The following IRF5 variants were observed in gnomAD, a reference collection of about 807,000 sequenced individuals.
The protein encoded by IRF5 is interferon regulatory factor 5.
Under a neutral mutation model 55.1 loss-of-function variants are expected in IRF5, and 24 were observed. That is an observed-to-expected ratio of 0.44 (90% CI 0.32 to 0.61). The LOEUF (loss-of-function observed/expected upper bound fraction) is 0.61, where lower values mean the gene tolerates loss of function less well. IRF5 is among the 20% of genes least tolerant of loss of function. The pLI is 0.07. For synonymous variants in IRF5, 258 were observed against 260.2 expected (o/e 0.99, Z 0.08); for missense variants, 499 against 658.5 (o/e 0.76, Z 2.65).
At chr7:128,943,482 C>A (rs1468605988) in intron 2 of IRF5, among the ~76,000 whole-genome samples, 1 of 151,430 alleles carries the variant, frequency 6.6e-6, no homozygotes, top group Non-Finnish European at 1.5e-5. Context: ...TCAAGTGATC[C>A]TCCAGTCTCA....
rs372747528 is a variant in IRF5, at chr7:128,942,317, C to T, written c.195+41C>T. Reference sequence around the variant, plus strand: ...GAGGTTGGCTGGACCTCCAGGGCACCCTGTCCCCAGAAGAGGAGCGCACAT... The same window carrying T: ...GAGGTTGGCTGGACCTCCAGGGCACTCTGTCCCCAGAAGAGGAGCGCACAT... On this transcript the variant is annotated intron_variant, in intron 2 of 8. Coordinates refer to ENST00000357234, the MANE Select transcript of IRF5 (RefSeq NM_001098629.3). The T allele has an allele frequency of 8.7e-5, 137 of 1,567,626 alleles. No homozygotes were observed. In the South Asian group the frequency reaches 1.5e-3, roughly 17 times the overall value.
rs1796525668 is a variant in IRF5, at chr7:128,949,794, A to AT, written c.*978dup. On this transcript the variant is annotated 3_prime_UTR_variant, in exon 9 of 9. Coordinates refer to ENST00000357234, the MANE Select transcript of IRF5 (RefSeq NM_001098629.3). The stretch of plus-strand genomic sequence containing the variant: ...TCATCCTGATATATTTAATATATTT[A>AT]TTATATTGTCCCCCGAGGTGGGGAC... The AT allele has an allele frequency of 6.6e-6, 1 of 152,112 alleles. No homozygotes were observed. The highest frequency in any genetic ancestry group is 1.5e-5 in the Non-Finnish European group (1 of 68,018). The allele number at this position is 152,112 out of a possible 1,614,324, so 9.4% of individuals were successfully genotyped here. A position where few individuals can be genotyped will look rare whatever the true frequency, so the allele number is the denominator to read the frequency against.
Position 128,946,279 on chromosome 7 carries a change from C to T in IRF5, c.386-222C>T, listed in dbSNP as rs1183496422. Among the ~76,000 whole-genome samples the T allele has an allele frequency of 6.6e-6, 1 of 152,222 alleles. No individual in the cohort carries two copies. The highest frequency in any genetic ancestry group is 1.5e-5 in the Non-Finnish European group (1 of 68,040). ...CCTGGGTGCTTCTTCCTTACCATTG[C>T]CCTCGTTTTGGCTTCTGGCTCCAGC... On this transcript the variant is annotated intron_variant, in intron 3 of 8. Transcript: ENST00000357234. The surrounding 1 kb of genome is among the most constrained non-coding windows in gnomAD (Gnocchi z 4.2).
At chr7:128,939,484 G>A (rs1214165721) in intron 1 of IRF5, among the ~76,000 whole-genome samples, 1 of 152,096 alleles carries the variant, frequency 6.6e-6, no homozygotes, top group Non-Finnish European at 1.5e-5. Flanking sequence ...TGGGGGTCAG[G>A]GCCTGTACAG....
In IRF5 at chr7:128,947,228, A is replaced by G. The variant is rs1796353266; in HGVS notation, c.482-2A>G. On this transcript the variant is annotated splice_acceptor_variant, in intron 5 of 8. Transcript: ENST00000357234. LOFTEE classifies it high-confidence loss of function. This position sits in a 1 kb window ranked among gnomAD's most constrained non-coding sequence, Gnocchi z 6.5. Reference sequence around the variant, plus strand: ...ACAGCCGTCCACACGCACTCTCTGTAGATGCAGTGCAGTCTGGCCCCCACA... The same window carrying G: ...ACAGCCGTCCACACGCACTCTCTGTGGATGCAGTGCAGTCTGGCCCCCACA... 1 of 1,602,224 alleles carries G rather than the reference A, an allele frequency of 6.2e-7. No homozygotes were observed. The highest frequency in any genetic ancestry group is 2.2e-5 in the East Asian group (1 of 44,782).
In IRF5 at chr7:128,948,491, C is replaced by A. The variant is rs1174279262; in HGVS notation, c.1300-82C>A. The stretch of plus-strand genomic sequence containing the variant: ...CCGGAGAATGCGGTCTATTACTCAC[C>A]CCTGATGGCTGTCCTCATGCACAGC... On this transcript the variant is annotated intron_variant, in intron 8 of 8. Coordinates refer to ENST00000357234, the MANE Select transcript of IRF5 (RefSeq NM_001098629.3). This position sits in a 1 kb window ranked among gnomAD's most constrained non-coding sequence, Gnocchi z 4.6. The A allele has an allele frequency of 6.4e-6, 10 of 1,570,986 alleles. No individual in the cohort carries two copies. In the East Asian group the frequency reaches 2.2e-4, roughly 35 times the overall value.
rs1055057832 is a variant in IRF5 at position 128,947,637 on chromosome 7, G to A, written c.788-92G>A. On this transcript the variant is annotated intron_variant, in intron 6 of 8. Coordinates refer to ENST00000357234, the MANE Select transcript of IRF5 (RefSeq NM_001098629.3). This position sits in a 1 kb window ranked among gnomAD's most constrained non-coding sequence, Gnocchi z 6.5. ...TGGACTCCCTTGGGTGGGAAAAGTG[G>A]GAGGGCGGATGGGGCTGGGCCTGGC... 6.6e-7 allele frequency: 1 copy of A among 1,507,200 alleles called. No homozygotes were observed. Among genetic ancestry groups the A allele is most frequent in the Admixed American group, 2.1e-5 (1 of 46,772 alleles). The allele number at this position is 1,507,200 out of a possible 1,614,324, so 93.4% of individuals were successfully genotyped here. A position where few individuals can be genotyped will look rare whatever the true frequency, so the allele number is the denominator to read the frequency against.
chr7:128,943,335 C>CT (rs1188899033), intron 2 of IRF5, among the ~76,000 whole-genome samples: 13 of 141,806 alleles, frequency 9.2e-5, no homozygotes, highest in Non-Finnish European at 1.4e-4. Flanking sequence ...CCGGCCCAAT[C>CT]TTTTTTTTTA....
chr7:128,947,308 C>T lies in IRF5; in HGVS notation c.560C>T (p.Pro187Leu), dbSNP rs767661654. Reference sequence around the variant, plus strand: ...GTCAAGTGGCCGCCCACTCTGCAGCCGCCCACTCTGCGGCCGCCTACTCTG... The same window carrying T: ...GTCAAGTGGCCGCCCACTCTGCAGCTGCCCACTCTGCGGCCGCCTACTCTG... ...EDVKWPPTLQ[P>L]PTLRPPTLQP... The change falls in exon 6 of 9, where the codon CCG becomes CTG. Residue 187 changes from proline to leucine, a missense_variant. Physicochemically the swap from Pro to Leu is moderately conservative, Grantham distance 98. This residue lies in a region of IRF5 where 305 missense variants were observed against 340.2 expected (regional missense o/e 0.90). Transcript: ENST00000357234. The surrounding 1 kb of genome is among the most constrained non-coding windows in gnomAD (Gnocchi z 6.5). The T allele has an allele frequency of 7.3e-6, 3 of 413,438 alleles. No individual in the cohort carries two copies. Among genetic ancestry groups the T allele is most frequent in the African/African-American group, 6.0e-5 (1 of 16,702 alleles). 25.6% of individuals were successfully genotyped at this position (413,438 alleles called of 1,614,324 possible). A position where few individuals can be genotyped will look rare whatever the true frequency, so the allele number is the denominator to read the frequency against.
Position 128,947,389 on chromosome 7 carries a change from G to A in IRF5, c.641G>A (p.Ser214Asn). The A allele has an allele frequency of 6.2e-7, 1 of 1,610,538 alleles. No individual in the cohort carries two copies. Among genetic ancestry groups the A allele is most frequent in the South Asian group, 1.1e-5 (1 of 90,716 alleles). ...CTGGGTCCCCCTGCTCCAGACCCCA[G>A]CCCCCTGGCTCCTCCCCCTGGCAAC... The part of the protein sequence containing the change: ...VVLGPPAPDP[S>N]PLAPPPGNPA... The change falls in exon 6 of 9, where the codon AGC (serine) becomes AAC (asparagine). Residue 214 changes from serine (S) to asparagine (N), a missense_variant. This residue lies in a region of IRF5 where 305 missense variants were observed against 340.2 expected (regional missense o/e 0.90). Coordinates refer to ENST00000357234, the MANE Select transcript of IRF5 (RefSeq NM_001098629.3). The surrounding 1 kb of genome is among the most constrained non-coding windows in gnomAD (Gnocchi z 6.5).
At position 128,949,579 on chromosome 7, in the gene IRF5, C is replaced by T. The variant is rs10954214; in HGVS notation, c.*761C>T. 0.64 allele frequency: 96,668 copies of T among 151,924 alleles called. 31,083 individuals carry two copies. The highest frequency in any genetic ancestry group is 0.7 in the Middle Eastern group (207 of 294). The allele number at this position is 151,924 out of a possible 1,614,324, so 9.4% of individuals were successfully genotyped here. On this transcript the variant is annotated 3_prime_UTR_variant, in exon 9 of 9. Coordinates refer to ENST00000357234, the MANE Select transcript of IRF5 (RefSeq NM_001098629.3). ...TAAACACTCACCTGGCTGGCTTTGC[C>T]TTCCAGGAGGAAGCTGGCTGAAGCA...
In IRF5 at chr7:128,947,835, C is replaced by T. The variant is rs372613331; in HGVS notation, c.894C>T (p.Thr298=). ...TCTTCTACAGCCAGCTGGAGGCCAC[C>T]CAGGAGCAGGTGGAACTCTTCGGCC... The part of the protein sequence containing the change: ...CRLFYSQLEA[T]QEQVELFGPI... Residue 298 remains threonine (T), a synonymous_variant, in exon 7 of 9, where the codon ACC becomes ACT. Coordinates refer to ENST00000357234, the MANE Select transcript of IRF5 (RefSeq NM_001098629.3). This position sits in a 1 kb window ranked among gnomAD's most constrained non-coding sequence, Gnocchi z 6.5. 2.5e-6 allele frequency: 4 copies of T among 1,613,804 alleles called. No homozygotes were observed. In the African/African-American group the frequency reaches 4.0e-5, roughly 16 times the overall value.
chr7:128,946,495 G>C lies in IRF5; in HGVS notation c.386-6G>C. ...ACTGCCCTGCTTTTCTCTCCCTGCTGTGCAGACTCCCAGCCCCCTGAGGAT... is the reference window on the plus strand; with the variant it reads ...ACTGCCCTGCTTTTCTCTCCCTGCTCTGCAGACTCCCAGCCCCCTGAGGAT... On this transcript the variant is annotated splice_polypyrimidine_tract_variant and splice_region_variant and intron_variant, in intron 3 of 8. Coordinates refer to ENST00000357234, the MANE Select transcript of IRF5 (RefSeq NM_001098629.3). The surrounding 1 kb of genome is among the most constrained non-coding windows in gnomAD (Gnocchi z 4.2). The C allele has an allele frequency of 6.2e-7, 1 of 1,604,266 alleles. No homozygotes were observed. The highest frequency in any genetic ancestry group is 1.3e-5 in the African/African-American group (1 of 74,972).
In IRF5 at chr7:128,948,834, T is replaced by C. The variant is rs541191655; in HGVS notation, c.*16T>C. On this transcript the variant is annotated 3_prime_UTR_variant, in exon 9 of 9. Coordinates refer to ENST00000357234, the MANE Select transcript of IRF5 (RefSeq NM_001098629.3). The surrounding 1 kb of genome is among the most constrained non-coding windows in gnomAD (Gnocchi z 4.6). The stretch of plus-strand genomic sequence containing the variant: ...CATGCAATAACAAGGCTGCAGACGG[T>C]GACTGGCCCTGGCTTCCTGGGTGGC... 6.3e-7 allele frequency: 1 copy of C among 1,594,106 alleles called. No homozygotes were observed. Among genetic ancestry groups the C allele is most frequent in the East Asian group, 2.2e-5 (1 of 44,754 alleles).
rs563535501 is a variant in IRF5, at chr7:128,942,714, G to A, written c.195+438G>A. 5.3e-5 allele frequency among the ~76,000 whole-genome samples: 8 copies of A among 152,102 alleles called. No homozygotes were observed. In the East Asian group the frequency reaches 1.2e-3, roughly 22 times the overall value. On this transcript the variant is annotated intron_variant, in intron 2 of 8. Coordinates refer to ENST00000357234, the MANE Select transcript of IRF5 (RefSeq NM_001098629.3). ...AACTCGTCCTACTCACCCTTTGCTC[G>A]TCTCACTCCTATTACTCATGAGGAC...
chr7:128,944,823 G>A (rs2128961977), intron 2 of IRF5, among the ~76,000 whole-genome samples: 2 of 152,110 alleles, frequency 1.3e-5, no homozygotes, highest in South Asian at 4.1e-4. Context: ...TCATTCAATG[G>A]GTTGGCCGTA....
intron 1 of IRF5, among the ~76,000 whole-genome samples, chr7:128,938,802 G>A (rs1331764952): frequency 6.6e-6 from 1 of 152,132 alleles, no homozygotes; most frequent in Admixed American, 6.5e-5. Context: ...TAGCATGGCC[G>A]GGATGCGTGG....
At position 128,942,176 on chromosome 7, in the gene IRF5, G is replaced by A; in HGVS notation, c.95G>A (p.Gly32Glu). 6.2e-7 allele frequency: 1 copy of A among 1,613,978 alleles called. No homozygotes were observed. ...CAGGTGAACAGCTGCCAGTACCCAG[G>A]GCTTCAATGGGTCAACGGGGAAAAG... The part of the protein sequence containing the change: ...VAQVNSCQYP[G>E]LQWVNGEKKL... Residue 32 changes from glycine (G) to glutamate (E), a missense_variant, in exon 2 of 9, where the codon GGG becomes GAG. Physicochemically the swap from Gly to Glu is moderately conservative, Grantham distance 98. Transcript: ENST00000357234.
upstream of IRF5, among the ~76,000 whole-genome samples, chr7:128,937,347 G>A (rs1227970961): frequency 6.6e-6 from 1 of 152,262 alleles, no homozygotes; most frequent in African/African-American, 2.4e-5. Context: ...GGTCAAGGTA[G>A]TAGTGAGAGG....
Sources: gnomAD v4.1 joint callset for allele counts (sites outside exome capture counted in the v4.1 genomes callset) on GRCh38, gnomAD v4.1.1 for gene constraint, gnomAD v4.1.1 regional missense constraint, Gnocchi (gnomAD v3.1) non-coding constraint, MANE v1.5 for transcripts, NCBI Gene and HGNC (gene_info 2026-07-23, HGNC 2026-07-21) for gene names.